The following EPB41L2 variants were observed in gnomAD, a reference collection of about 807,000 sequenced individuals.
The protein encoded by EPB41L2 is erythrocyte membrane protein band 4.1 like 2.
In EPB41L2, 43 loss-of-function variants were observed where a neutral mutation model predicts 113.0. The observed-to-expected ratio is 0.38, with a 90% CI of 0.30 to 0.49. The LOEUF (loss-of-function observed/expected upper bound fraction) is 0.49, where lower values mean the gene tolerates loss of function less well. Ranked by LOEUF, EPB41L2 falls within the 20% of genes least tolerant of loss-of-function variation. EPB41L2 has a pLI of 0.95. For synonymous variants in EPB41L2, 442 were observed against 436.7 expected, an observed-to-expected ratio of 1.01 and a Z score of -0.15; for missense variants, 1,147 against 1,223.4, an observed-to-expected ratio of 0.94 and a Z score of 0.93.
chr6:130,944,546 T>C (rs988117422), intron 3 of EPB41L2, among the ~76,000 whole-genome samples: 1 of 152,202 alleles, frequency 6.6e-6, no homozygotes, highest in Non-Finnish European at 1.5e-5. Context: ...AGGCAGTGCA[T>C]GCTTAATTGC....
Position 130,898,686 on chromosome 6 carries a change from T to C in EPB41L2, c.1236+805A>G, listed in dbSNP as rs1387890663. On this transcript the variant is annotated intron_variant, in intron 8 of 19. Transcript: ENST00000337057. ...TCATACCCTGTGACTCTCGTTAGTATACCGAACGTTTATGCTTGCAAAAAA... is the reference window on the plus strand; with the variant it reads ...TCATACCCTGTGACTCTCGTTAGTACACCGAACGTTTATGCTTGCAAAAAA... 4.6e-5 allele frequency among the ~76,000 whole-genome samples: 7 copies of C among 152,154 alleles called. No homozygotes were observed. In the East Asian group the frequency reaches 1.3e-3, roughly 29 times the overall value.
At chr6:130,887,043 C>T (rs1481658513) in intron 11 of EPB41L2, among the ~76,000 whole-genome samples, 1 of 152,078 alleles carries the variant, frequency 6.6e-6, no homozygotes, top group Non-Finnish European at 1.5e-5. Context: ...TTTCTACACA[C>T]CTATTATACA....
At chr6:130,944,965 T>C (rs1258471915) in intron 3 of EPB41L2, among the ~76,000 whole-genome samples, 2 of 152,158 alleles carry the variant, frequency 1.3e-5, no homozygotes, top group African/African-American at 2.4e-5. Context: ...TAAATACAAA[T>C]TAAGTTTTGA....
chr6:131,023,001 G>A (rs1789867155), intron 1 of EPB41L2, among the ~76,000 whole-genome samples: 1 of 152,048 alleles, frequency 6.6e-6, no homozygotes, highest in South Asian at 2.1e-4. Flanking sequence ...CTACAATATT[G>A]CTTGGCATCA....
Position 130,947,366 on chromosome 6 carries a change from T to C in EPB41L2, c.705+7739A>G, listed in dbSNP as rs1345059633. On this transcript the variant is annotated intron_variant, in intron 3 of 19. Coordinates refer to ENST00000337057, the MANE Select transcript of EPB41L2 (RefSeq NM_001431.4). ...GTGGGCATGTTATATCAAGGTTTAA[T>C]TGAAAATTAGACACATGTACATATA... is the stretch of plus-strand genomic sequence containing the variant. Among the ~76,000 whole-genome samples, 7 of 152,062 alleles carry C rather than the reference T, an allele frequency of 4.6e-5. 1 individual carries two copies. Among genetic ancestry groups the C allele is most frequent in the East Asian group, 3.9e-4 (2 of 5,178 alleles).
chr6:130,870,468 CA>C, intron 14 of EPB41L2: 2 of 1,353,450 alleles, frequency 1.5e-6, no homozygotes, highest in Non-Finnish European at 2.1e-6. Flanking sequence ...ACTGCAAAGA[CA>C]AAACAGCAAG....
intron 3 of EPB41L2, among the ~76,000 whole-genome samples, chr6:130,936,200 T>C (rs991926374): frequency 6.6e-5 from 10 of 152,238 alleles, no homozygotes; most frequent in Admixed American, 1.3e-4. Flanking sequence ...ATCTAAATCT[T>C]CATTTGCTCT....
At chr6:131,009,077 T>C (rs570219024) in intron 1 of EPB41L2, among the ~76,000 whole-genome samples, 5 of 152,198 alleles carry the variant, frequency 3.3e-5, no homozygotes, top group African/African-American at 7.2e-5. Context: ...TGGAATTATA[T>C]GGTTTGCCTC....
At chr6:130,888,928 A>C (rs1791910031) in intron 11 of EPB41L2, among the ~76,000 whole-genome samples, 1 of 152,146 alleles carries the variant, frequency 6.6e-6, no homozygotes, top group African/African-American at 2.4e-5. Context: ...AAATATCTCT[A>C]TGTGTCCACC....
At chr6:131,008,836 C>T (rs887993516) in intron 1 of EPB41L2, among the ~76,000 whole-genome samples, 2 of 152,150 alleles carry the variant, frequency 1.3e-5, no homozygotes, top group African/African-American at 2.4e-5. Context: ...GTCATTTCTC[C>T]CGTTTGGAAT....
At chr6:131,025,221 G>A (rs1343873408) in intron 1 of EPB41L2, among the ~76,000 whole-genome samples, 2 of 151,990 alleles carry the variant, frequency 1.3e-5, no homozygotes, top group Non-Finnish European at 2.9e-5. Flanking sequence ...GGTATGACTG[G>A]GACAAATGAA....
chr6:130,998,707 A>G (rs940691539), intron 1 of EPB41L2, among the ~76,000 whole-genome samples: 1 of 152,204 alleles, frequency 6.6e-6, no homozygotes, highest in African/African-American at 2.4e-5. Context: ...TGATTACAGT[A>G]AATAAAACCA....
At chr6:130,986,112 T>C (rs1349864858) in intron 1 of EPB41L2, among the ~76,000 whole-genome samples, 2 of 152,140 alleles carry the variant, frequency 1.3e-5, no homozygotes. Flanking sequence ...TAAGGGATCA[T>C]ATGTCGTGGG....
chr6:131,019,051 C>T (rs56163502), intron 1 of EPB41L2, among the ~76,000 whole-genome samples: 42,638 of 152,056 alleles, frequency 0.28, 7,055 homozygotes, highest in Non-Finnish European at 0.37. Context: ...CCATAAAAAC[C>T]CTACTTGGGA....
At chr6:130,968,777 C>T (rs7769678) in intron 1 of EPB41L2, among the ~76,000 whole-genome samples, 75,900 of 151,060 alleles carry the variant, frequency 0.5, 21,759 homozygotes, top group East Asian at 0.94. Context: ...CGAGGATTCA[C>T]TTAGTTCAGA....
chr6:131,025,061 A>T (rs73623305), intron 1 of EPB41L2, among the ~76,000 whole-genome samples: 4,274 of 151,198 alleles, frequency 0.028, 200 homozygotes, highest in African/African-American at 0.095. Context: ...TTTTTTTTTT[A>T]AGCCTATGCT....
At chr6:130,960,827 C>G (rs1448598460) in intron 1 of EPB41L2, among the ~76,000 whole-genome samples, 1 of 152,156 alleles carries the variant, frequency 6.6e-6, no homozygotes, top group Non-Finnish European at 1.5e-5. Context: ...AACTCTATCA[C>G]CCATGAAAAT....
rs759861258 is a variant in EPB41L2, at chr6:130,870,144, G to A, written c.2044-18C>T. On this transcript the variant is annotated intron_variant, in intron 14 of 19. Coordinates refer to ENST00000337057, the MANE Select transcript of EPB41L2 (RefSeq NM_001431.4). ...TGTGAACTCTGTACAAAAAAAGATGGATGAGGGAAAACAAAAATATATGAA... is the reference window on the plus strand; with the variant it reads ...TGTGAACTCTGTACAAAAAAAGATGAATGAGGGAAAACAAAAATATATGAA... The A allele has an allele frequency of 5.1e-5, 80 of 1,576,456 alleles. No homozygotes were observed. Among genetic ancestry groups the A allele is most frequent in the Non-Finnish European group, 6.3e-5 (73 of 1,163,504 alleles).
At position 130,899,390 on chromosome 6, in the gene EPB41L2, C is replaced by A. The variant is rs1382647938; in HGVS notation, c.1236+101G>T. ...GAGACCCTCAATTGAAAGCAAATATCCTTTTCCCAAAAATAAGCTGTGCTA... is the reference window on the plus strand; with the variant it reads ...GAGACCCTCAATTGAAAGCAAATATACTTTTCCCAAAAATAAGCTGTGCTA... On this transcript the variant is annotated intron_variant, in intron 8 of 19. Coordinates refer to ENST00000337057, the MANE Select transcript of EPB41L2 (RefSeq NM_001431.4). The A allele has an allele frequency of 7.7e-6, 7 of 914,292 alleles. No individual in the cohort carries two copies. In the African/African-American group the frequency reaches 1.0e-4, roughly 13 times the overall value. 56.6% of individuals were successfully genotyped at this position (914,292 alleles called of 1,614,324 possible).
Sources: gnomAD v4.1 joint callset for allele counts (sites outside exome capture counted in the v4.1 genomes callset) on GRCh38, gnomAD v4.1.1 for gene constraint, MANE v1.5 for transcripts, NCBI Gene and HGNC (gene_info 2026-07-23, HGNC 2026-07-21) for gene names.